GRM7: variants seen among roughly 807,000 people sequenced by gnomAD.
GRM7 encodes the protein metabotropic glutamate receptor 7.
A neutral mutation model predicts 84.5 loss-of-function variants in GRM7; 35 were observed. The ratio of observed to expected loss-of-function variants is 0.41; its 90% CI spans 0.32 to 0.55. The LOEUF (loss-of-function observed/expected upper bound fraction) is 0.55. Ranked by LOEUF, GRM7 falls within the 20% of genes least tolerant of loss-of-function variation. The pLI is 0.19. For synonymous variants in GRM7, 487 were observed against 455.1 expected (o/e 1.07, Z -0.89); for missense variants, 1,003 against 1,194.6 (o/e 0.84, Z 2.36).
chr3:7,440,478 A>C (rs186565611), intron 5 of GRM7, among the ~76,000 whole-genome samples: 1 of 152,296 alleles, frequency 6.6e-6, no homozygotes, highest in East Asian at 1.9e-4. Flanking sequence ...AACTAGAGAT[A>C]AAATGGAGTG....
chr3:7,452,659 G>A lies in GRM7; in HGVS notation c.1227G>A (p.Gln409=). The change falls in exon 6 of 10, where the codon CAG becomes CAA. Residue 409 remains glutamine, a synonymous_variant. Transcript: ENST00000357716. ...DSNYEQEGKV[Q]FVIDAVYAMA... The stretch of plus-strand genomic sequence containing the variant: ...ACTATGAGCAGGAGGGTAAAGTCCA[G>A]TTCGTGATTGACGCAGTCTATGCTA... 6.2e-7 allele frequency: 1 copy of A among 1,613,586 alleles called. No homozygotes were observed. Among genetic ancestry groups the A allele is most frequent in the Non-Finnish European group, 8.5e-7 (1 of 1,179,636 alleles).
intron 1 of GRM7, among the ~76,000 whole-genome samples, chr3:6,864,102 AG>A (rs1484978043): frequency 6.6e-6 from 1 of 152,166 alleles, no homozygotes; most frequent in African/African-American, 2.4e-5. Context: ...ATGGCTGGGG[AG>A]TAAAACCATT....
chr3:7,226,022 A>G (rs765932691), intron 2 of GRM7, among the ~76,000 whole-genome samples: 25 of 152,198 alleles, frequency 1.6e-4, no homozygotes, highest in Non-Finnish European at 3.5e-4. Flanking sequence ...AGTATTCACA[A>G]TTCTGTCTTT....
intron 1 of GRM7, among the ~76,000 whole-genome samples, chr3:6,983,764 T>A (rs530383432): frequency 6.6e-6 from 1 of 152,010 alleles, no homozygotes; most frequent in Non-Finnish European, 1.5e-5. Context: ...AGCACATTAT[T>A]TTTTTTCTAC....
chr3:7,109,459 T>C (rs1327747649), intron 1 of GRM7, among the ~76,000 whole-genome samples: 1 of 152,176 alleles, frequency 6.6e-6, no homozygotes, highest in African/African-American at 2.4e-5. Flanking sequence ...ATGGGTTTAG[T>C]TAATTCTCAC....
intron 4 of GRM7, among the ~76,000 whole-genome samples, chr3:7,343,789 G>A (rs17047179): frequency 0.14 from 21,327 of 152,110 alleles, 1,969 homozygotes; most frequent in African/African-American, 0.26. Flanking sequence ...TGATGATTGA[G>A]ATCTGTCATC....
chr3:7,418,199 G>T (rs1696251841), intron 5 of GRM7, among the ~76,000 whole-genome samples: 1 of 152,068 alleles, frequency 6.6e-6, no homozygotes, highest in Non-Finnish European at 1.5e-5. Context: ...CACTTTCCTT[G>T]ATACCAAATC....
At chr3:7,687,609 A>G (rs1700634498) in intron 9 of GRM7, among the ~76,000 whole-genome samples, 1 of 152,188 alleles carries the variant, frequency 6.6e-6, no homozygotes, top group African/African-American at 2.4e-5. Flanking sequence ...CAAGAGAGTA[A>G]GCAGTGAGGT....
chr3:7,074,663 T>C (rs893075697), intron 1 of GRM7, among the ~76,000 whole-genome samples: 1 of 152,216 alleles, frequency 6.6e-6, no homozygotes, highest in South Asian at 2.1e-4. Flanking sequence ...CTTTGTTCTA[T>C]AATAATCAGT....
At chr3:7,365,080 A>G (rs566508567) in intron 4 of GRM7, among the ~76,000 whole-genome samples, 66 of 151,990 alleles carry the variant, frequency 4.3e-4, no homozygotes, top group African/African-American at 1.5e-3. Context: ...TTGCCTCTCA[A>G]TACCTTTCAG....
chr3:7,461,777 A>G, intron 7 of GRM7, 55 bp downstream of exon 7: 1 of 1,525,092 alleles, frequency 6.6e-7, no homozygotes, highest in Non-Finnish European at 9.1e-7. Context: ...ACAGACTTTT[A>G]ATTTGCTCAG....
intron 1 of GRM7, among the ~76,000 whole-genome samples, chr3:7,019,607 G>A (rs1168026504): frequency 1.3e-5 from 2 of 152,182 alleles, no homozygotes; most frequent in African/African-American, 4.8e-5. Context: ...CAATGAATAA[G>A]AGTGCATGGA....
At chr3:7,344,857 C>T (rs1000915282) in intron 4 of GRM7, among the ~76,000 whole-genome samples, 4 of 152,028 alleles carry the variant, frequency 2.6e-5, no homozygotes, top group Non-Finnish European at 4.4e-5. Context: ...TGTTCTGTTG[C>T]ACTTTAGGGT....
At chr3:7,244,007 T>C (rs1697662175) in intron 2 of GRM7, among the ~76,000 whole-genome samples, 1 of 152,054 alleles carries the variant, frequency 6.6e-6, no homozygotes, top group African/African-American at 2.4e-5. Context: ...AGTTTCAGGA[T>C]TGGAAGTTGC....
chr3:7,301,366 A>G (rs1445107261), intron 3 of GRM7, among the ~76,000 whole-genome samples: 1 of 152,138 alleles, frequency 6.6e-6, no homozygotes, highest in Non-Finnish European at 1.5e-5. Flanking sequence ...TTTTCATAAT[A>G]TTACTCTTTC....
chr3:7,384,725 G>A (rs767756843), intron 4 of GRM7, among the ~76,000 whole-genome samples: 3 of 152,080 alleles, frequency 2.0e-5, no homozygotes, highest in Non-Finnish European at 2.9e-5. Context: ...ACACGGGGCT[G>A]GTGGCTATCA....
chr3:7,232,686 T>C (rs1697232591), intron 2 of GRM7, among the ~76,000 whole-genome samples: 1 of 152,192 alleles, frequency 6.6e-6, no homozygotes, highest in Admixed American at 6.5e-5. Context: ...GTCTGGTGCT[T>C]TACAAGCTTT....
intron 4 of GRM7, among the ~76,000 whole-genome samples, chr3:7,311,596 C>CG (rs1162667301): frequency 9.9e-6 from 1 of 101,084 alleles, no homozygotes; most frequent in Non-Finnish European, 1.8e-5. Context: ...TGTTTCAATA[C>CG]ATTTTTTTTT....
chr3:7,575,487 C>T (rs1043538056), intron 7 of GRM7, among the ~76,000 whole-genome samples: 1 of 152,098 alleles, frequency 6.6e-6, no homozygotes, highest in Non-Finnish European at 1.5e-5. Flanking sequence ...TAATTATCTT[C>T]CTTTAAAATA....
Sources: gnomAD v4.1 joint callset for allele counts (sites outside exome capture counted in the v4.1 genomes callset) on GRCh38, gnomAD v4.1.1 for gene constraint, MANE v1.5 for transcripts, NCBI Gene and HGNC (gene_info 2026-07-23, HGNC 2026-07-21) for gene names.